TRAPPC8: variants seen among roughly 807,000 people sequenced by gnomAD.
The protein encoded by TRAPPC8 is trafficking protein particle complex subunit 8, also known as general sporulation gene 1 homolog.
Under a neutral mutation model 174.3 loss-of-function variants are expected in TRAPPC8, and 54 were observed. The observed-to-expected ratio is 0.31, with a 90% CI of 0.25 to 0.39. TRAPPC8 has a LOEUF of 0.39. Among genes scored for constraint, TRAPPC8 ranks in the 10% least tolerant of loss-of-function variants. The probability of loss-of-function intolerance (pLI) is 1.00; values close to 1 mark genes in which losing one functional copy is unlikely to be tolerated. For missense variants in TRAPPC8, 1,531 were observed against 1,699.1 expected, an observed-to-expected ratio of 0.90 and a Z score of 1.74; for synonymous variants, 630 against 579.9, an observed-to-expected ratio of 1.09 and a Z score of -1.24.
At chr18:31,922,541 A>C (rs2037435364) in intron 2 of TRAPPC8, among the ~76,000 whole-genome samples, 1 of 152,164 alleles carries the variant, frequency 6.6e-6, no homozygotes, top group South Asian at 2.1e-4. Flanking sequence ...CAGTGAGCCA[A>C]GATGGTGCCA....
chr18:31,900,386 G>T (rs905119033), intron 10 of TRAPPC8, among the ~76,000 whole-genome samples: 1 of 152,106 alleles, frequency 6.6e-6, no homozygotes, highest in Non-Finnish European at 1.5e-5. Context: ...AGCCAGTAAT[G>T]CACATCTAAA....
chr18:31,901,877 G>A, intron 9 of TRAPPC8, among the ~76,000 whole-genome samples: 1 of 152,222 alleles, frequency 6.6e-6, no homozygotes, highest in Non-Finnish European at 1.5e-5. Flanking sequence ...ATGGGTGAAT[G>A]TTTGGTCAGG....
At chr18:31,931,568 T>A (rs112286805) in intron 1 of TRAPPC8, 45 bp from the exon 2 acceptor site, 1 of 1,444,576 alleles carries the variant, frequency 6.9e-7, no homozygotes. Context: ...TTCTATACAA[T>A]GCATAATAAC....
At chr18:31,937,771 T>C (rs1242128548) in intron 1 of TRAPPC8, 2 of 152,164 alleles carry the variant, frequency 1.3e-5, no homozygotes, top group African/African-American at 4.8e-5. Flanking sequence ...TGGCAAAATC[T>C]TGGCTCACTG....
chr18:31,928,111 G>A lies in TRAPPC8; in HGVS notation c.352+3218C>T, dbSNP rs149788631. ...GAAGAGGTTGCAGTGAGCCAAGATC[G>A]TGCCACTACACTCCAGCCTGGGCAA... On this transcript the variant is annotated intron_variant, in intron 2 of 28. Transcript: ENST00000283351. Among the ~76,000 whole-genome samples the A allele has an allele frequency of 2.6e-3, 400 of 151,550 alleles. 2 individuals are homozygous for A. The highest frequency in any genetic ancestry group is 8.8e-3 in the African/African-American group (363 of 41,304).
At chr18:31,872,610 AG>A (rs1444541756) in intron 14 of TRAPPC8, among the ~76,000 whole-genome samples, 8 of 151,916 alleles carry the variant, frequency 5.3e-5, no homozygotes, top group Non-Finnish European at 1.5e-5. Context: ...TAGTAGAGAC[AG>A]GGTTTCACCA....
chr18:31,839,936 G>A (rs913235978), intron 26 of TRAPPC8, among the ~76,000 whole-genome samples: 8 of 152,128 alleles, frequency 5.3e-5, no homozygotes, highest in East Asian at 3.8e-4. Context: ...CTGCTGCATT[G>A]TATAGTATAA....
chr18:31,848,997 A>T (rs2033559749), intron 25 of TRAPPC8, among the ~76,000 whole-genome samples: 1 of 152,160 alleles, frequency 6.6e-6, no homozygotes, highest in African/African-American at 2.4e-5. Context: ...GAAAAAACTG[A>T]ACACAGACCA....
intron 12 of TRAPPC8, among the ~76,000 whole-genome samples, chr18:31,886,918 T>G (rs1244147437): frequency 6.6e-6 from 1 of 151,694 alleles, no homozygotes; most frequent in Non-Finnish European, 1.5e-5. Context: ...GAGGTGGAGG[T>G]TGCAGTGAGC....
intron 1 of TRAPPC8, among the ~76,000 whole-genome samples, chr18:31,937,993 C>A (rs947405217): frequency 6.6e-6 from 1 of 152,092 alleles, no homozygotes. Flanking sequence ...TAAGACACTG[C>A]ACCTGGCCTA....
intron 26 of TRAPPC8, among the ~76,000 whole-genome samples, chr18:31,842,319 A>G (rs2144983344): frequency 6.6e-6 from 1 of 152,334 alleles, no homozygotes; most frequent in African/African-American, 2.4e-5. Flanking sequence ...GTATAGTGAT[A>G]AATATAATTT....
intron 24 of TRAPPC8, 104 bp downstream of exon 24, chr18:31,852,342 C>CA (rs34032798): frequency 1.1e-4 from 141 of 1,317,490 alleles, no homozygotes; most frequent in Middle Eastern, 2.7e-4. Context: ...GTCTCCCCCC[C>CA]AAAAAAAAGC....
chr18:31,891,008 G>T (rs761913933), intron 11 of TRAPPC8, 142 bp from the exon 12 acceptor site: 518 of 611,234 alleles, frequency 8.5e-4, no homozygotes, highest in Non-Finnish European at 1.1e-3. Flanking sequence ...AGATCAAGGG[G>T]AAAACCAATC....
chr18:31,871,617 T>C (rs2034867290), intron 14 of TRAPPC8, among the ~76,000 whole-genome samples: 1 of 152,202 alleles, frequency 6.6e-6, no homozygotes, highest in Non-Finnish European at 1.5e-5. Context: ...TCCATGATTT[T>C]ACCACATAAG....
chr18:31,883,579 G>A (rs1169370468), intron 12 of TRAPPC8: 1 of 153,060 alleles, frequency 6.5e-6, no homozygotes, highest in Non-Finnish European at 1.5e-5. Flanking sequence ...GAACTCACCA[G>A]GTACTAACCA....
chr18:31,907,368 T>A, intron 9 of TRAPPC8, 92 bp downstream of exon 9: 1 of 1,292,734 alleles, frequency 7.7e-7, no homozygotes, highest in Non-Finnish European at 1.1e-6. Context: ...GAGTACAACT[T>A]TATCCCTAAG....
At chr18:31,918,212 T>C (rs2037232677) in intron 2 of TRAPPC8, among the ~76,000 whole-genome samples, 1 of 151,636 alleles carries the variant, frequency 6.6e-6, no homozygotes, top group Non-Finnish European at 1.5e-5. Context: ...CAAGAATATA[T>C]TCATATATTC....
rs759000873 is a variant in TRAPPC8, at chr18:31,853,915, C to T, written c.3367G>A (p.Val1123Met). The change falls in exon 22 of 29, where the codon GTG becomes ATG. Residue 1123 changes from valine to methionine, a missense_variant. Coordinates refer to ENST00000283351, the MANE Select transcript of TRAPPC8 (RefSeq NM_014939.5). ...SEAGVKEFHI[V>M]QVSSSSKHWK... Reference sequence around the variant, plus strand: ...TGTTTGCTACTACTTGATACTTGCACTATGTGGAATTCCTTAACGCCTGCT... The same window carrying T: ...TGTTTGCTACTACTTGATACTTGCATTATGTGGAATTCCTTAACGCCTGCT... 1.9e-6 allele frequency: 3 copies of T among 1,611,054 alleles called. No homozygotes were observed.
At chr18:31,865,808 A>T (rs1158083946) in intron 18 of TRAPPC8, among the ~76,000 whole-genome samples, 2 of 151,042 alleles carry the variant, frequency 1.3e-5, no homozygotes, top group African/African-American at 4.8e-5. Flanking sequence ...AATTATAAAT[A>T]ATTTAAATTA....
Sources: allele counts gnomAD v4.1 joint callset (sites outside exome capture counted in the v4.1 genomes callset), GRCh38; gene constraint gnomAD v4.1.1; transcripts MANE v1.5; gene names NCBI Gene and HGNC (gene_info 2026-07-23, HGNC 2026-07-21).